FBXL17: variants seen among roughly 807,000 people sequenced by gnomAD.
FBXL17 encodes the protein F-box and leucine rich repeat protein 17.
Under a neutral mutation model 66.2 loss-of-function variants are expected in FBXL17, and 22 were observed. That is an observed-to-expected ratio of 0.33 (90% CI 0.24 to 0.47). The LOEUF (loss-of-function observed/expected upper bound fraction) is 0.47. FBXL17 is among the 20% of genes least tolerant of loss of function. The pLI is 1.00. For synonymous variants in FBXL17, 474 were observed against 400.5 expected (o/e 1.18, Z -2.19); for missense variants, 878 against 948.2 (o/e 0.93, Z 0.97).
chr5:108,177,184 T>G (rs1242048591), intron 6 of FBXL17, among the ~76,000 whole-genome samples: 1 of 152,204 alleles, frequency 6.6e-6, no homozygotes, highest in African/African-American at 2.4e-5. Context: ...TCAAAATTCA[T>G]TAGTGAAATT....
chr5:107,898,901 T>C lies in FBXL17; in HGVS notation c.1823-17722A>G, dbSNP rs997974618. 2.0e-5 allele frequency among the ~76,000 whole-genome samples: 3 copies of C among 152,230 alleles called. No homozygotes were observed. In the South Asian group the frequency reaches 6.2e-4, roughly 32 times the overall value. On this transcript the variant is annotated intron_variant, in intron 7 of 8. Transcript: ENST00000542267. ...GCATTTGGGTTCCAAGTCTTTGCTA[T>C]CGTGAACAGTGCTGCAATAAACACA...
chr5:108,042,143 C>T (rs567519320), intron 6 of FBXL17, among the ~76,000 whole-genome samples: 2 of 152,302 alleles, frequency 1.3e-5, no homozygotes, highest in South Asian at 2.1e-4. Context: ...GATCTGCCTC[C>T]GTGGCCTCCC....
chr5:108,341,075 C>CT (rs1353136667), intron 4 of FBXL17, among the ~76,000 whole-genome samples: 1 of 152,090 alleles, frequency 6.6e-6, no homozygotes, highest in African/African-American at 2.4e-5. Flanking sequence ...AATACTGCCT[C>CT]TGATAGTAAA....
At chr5:108,107,258 G>A (rs193089430) in intron 6 of FBXL17, among the ~76,000 whole-genome samples, 4 of 152,204 alleles carry the variant, frequency 2.6e-5, no homozygotes, top group East Asian at 1.9e-4. Flanking sequence ...TTTTAGTAGA[G>A]ACAGAGTTTC....
At chr5:108,257,849 C>T (rs565730828) in intron 4 of FBXL17, among the ~76,000 whole-genome samples, 5 of 152,004 alleles carry the variant, frequency 3.3e-5, no homozygotes, top group South Asian at 2.1e-4. Context: ...GGTACCTGGA[C>T]CGAGGAACTA....
At chr5:108,158,759 G>A (rs926413767) in intron 6 of FBXL17, among the ~76,000 whole-genome samples, 1 of 152,192 alleles carries the variant, frequency 6.6e-6, no homozygotes, top group Non-Finnish European at 1.5e-5. Context: ...TAAGTGGAAT[G>A]TCTTAACTCC....
intron 4 of FBXL17, among the ~76,000 whole-genome samples, chr5:108,331,006 C>A (rs1760097096): frequency 6.6e-6 from 1 of 152,026 alleles, no homozygotes. Context: ...TGAGCCGAGA[C>A]TGCGCCACTG....
At chr5:107,897,592 A>G (rs936036122) in intron 7 of FBXL17, among the ~76,000 whole-genome samples, 1 of 152,136 alleles carries the variant, frequency 6.6e-6, no homozygotes, top group African/African-American at 2.4e-5. Flanking sequence ...TTTAACACCA[A>G]AGGCATCAAA....
intron 4 of FBXL17, among the ~76,000 whole-genome samples, chr5:108,266,449 C>T (rs916028322): frequency 3.3e-5 from 5 of 152,118 alleles, no homozygotes; most frequent in African/African-American, 1.2e-4. Flanking sequence ...GTCGACACTA[C>T]ACACCCTTAG....
At chr5:108,322,856 GA>G (rs1208526998) in intron 4 of FBXL17, among the ~76,000 whole-genome samples, 1 of 151,622 alleles carries the variant, frequency 6.6e-6, no homozygotes, top group Non-Finnish European at 1.5e-5. Context: ...AAGACTCCTG[GA>G]AAAAAAGATC....
At chr5:108,242,913 A>T (rs1204749166) in intron 4 of FBXL17, among the ~76,000 whole-genome samples, 1 of 152,232 alleles carries the variant, frequency 6.6e-6, no homozygotes, top group Non-Finnish European at 1.5e-5. Flanking sequence ...AATGATTTTT[A>T]AATCTCATTA....
chr5:108,177,932 T>TATATATATAC (rs1242739302), intron 6 of FBXL17, among the ~76,000 whole-genome samples: 16 of 126,896 alleles, frequency 1.3e-4, no homozygotes, highest in South Asian at 7.3e-4. Context: ...TATATATATA[T>TATATATATAC]ACACACACAC....
intron 6 of FBXL17, among the ~76,000 whole-genome samples, chr5:108,184,039 T>C (rs1170278044): frequency 1.3e-5 from 2 of 152,090 alleles, no homozygotes; most frequent in Non-Finnish European, 2.9e-5. Flanking sequence ...TTCAGGGTAA[T>C]TTAAGAAAAT....
chr5:107,910,941 C>G (rs1168577313), intron 7 of FBXL17, among the ~76,000 whole-genome samples: 1 of 152,054 alleles, frequency 6.6e-6, no homozygotes, highest in African/African-American at 2.4e-5. Context: ...ATGGGAAAAT[C>G]TAATGCTATA....
intron 6 of FBXL17, among the ~76,000 whole-genome samples, chr5:108,050,052 C>A (rs1023377983): frequency 6.6e-6 from 1 of 152,056 alleles, no homozygotes; most frequent in South Asian, 2.1e-4. Context: ...CCTAAATATA[C>A]ATGTACCCAA....
chr5:108,350,673 A>G lies in FBXL17; in HGVS notation c.1375-2143T>C, dbSNP rs1482220349. On this transcript the variant is annotated intron_variant, in intron 3 of 8. Transcript: ENST00000542267. ...CAAAACTAAAAGAAAGCAACAGTCC[A>G]ATGCCATCAAATTCTGAAGATAAAT... Among the ~76,000 whole-genome samples the G allele has an allele frequency of 2.6e-5, 4 of 152,218 alleles. No homozygotes were observed. In the East Asian group the frequency reaches 7.7e-4, roughly 29 times the overall value.
chr5:107,896,850 T>C (rs910336630), intron 7 of FBXL17, among the ~76,000 whole-genome samples: 1 of 39,092 alleles, frequency 2.6e-5, no homozygotes, highest in African/African-American at 3.1e-4. Context: ...GGCATGAAAA[T>C]TTGGCATTTT....
intron 6 of FBXL17, among the ~76,000 whole-genome samples, chr5:108,184,747 C>CAAAAAAAAA (rs34512714): frequency 1.2e-5 from 1 of 82,612 alleles, no homozygotes; most frequent in African/African-American, 5.0e-5. Flanking sequence ...GACTCGGTCT[C>CAAAAAAAAA]AAAAAAAAAA....
chr5:108,048,888 T>C (rs1204563019), intron 6 of FBXL17, among the ~76,000 whole-genome samples: 1 of 152,070 alleles, frequency 6.6e-6, no homozygotes, highest in African/African-American at 2.4e-5. Flanking sequence ...CATACTTCAG[T>C]ACATTATCCA....
Sources: gnomAD v4.1 joint callset for allele counts (sites outside exome capture counted in the v4.1 genomes callset) on GRCh38, gnomAD v4.1.1 for gene constraint, MANE v1.5 for transcripts, NCBI Gene and HGNC (gene_info 2026-07-23, HGNC 2026-07-21) for gene names.